The following CECR2 variants were observed in gnomAD, a reference collection of about 807,000 sequenced individuals.
CECR2 encodes the protein CECR2 histone acetyl-lysine reader, also known as chromatin remodeling regulator CECR2.
Under a neutral mutation model 154.5 loss-of-function variants are expected in CECR2, and 30 were observed. That is an observed-to-expected ratio of 0.19 (90% CI 0.15 to 0.26). CECR2 has a LOEUF of 0.26. Ranked by LOEUF, CECR2 falls within the 10% of genes least tolerant of loss-of-function variation. The pLI, the probability that CECR2 is intolerant of heterozygous loss-of-function variation, is 1.00. For missense variants in CECR2, 1,743 were observed against 1,829.3 expected (o/e 0.95, Z 0.86); for synonymous variants, 725 against 683.7 (o/e 1.06, Z -0.94).
chr22:17,363,294 C>T (rs1436301811), intron 1 of CECR2, among the ~76,000 whole-genome samples: 8 of 151,836 alleles, frequency 5.3e-5, no homozygotes, highest in Non-Finnish European at 8.8e-5. Context: ...CTGCAACCTC[C>T]GCCTCCTGGG....
At chr22:17,451,606 G>GCACCAGAGCC (rs1264244147) in intron 1 of CECR2, among the ~76,000 whole-genome samples, 2 of 152,248 alleles carry the variant, frequency 1.3e-5, no homozygotes, top group East Asian at 3.9e-4. Flanking sequence ...GTTCCTCCGA[G>GCACCAGAGCC]CACCAGAGCC....
In CECR2 at chr22:17,383,089, G is replaced by A. The variant is rs377589564; in HGVS notation, c.126+13180G>A. On this transcript the variant is annotated intron_variant, in intron 1 of 18. Coordinates refer to ENST00000262608, the MANE Select transcript of CECR2 (RefSeq NM_001290047.2). ...AAAAATACAAAAATTAGCCGGGCAC[G>A]GTGGCGGGCACCTGTAATCCCAGCT... Among the ~76,000 whole-genome samples the A allele has an allele frequency of 8.4e-4, 128 of 152,210 alleles. 1 individual carries two copies. Among genetic ancestry groups the A allele is most frequent in the African/African-American group, 2.6e-3 (110 of 41,536 alleles).
At chr22:17,428,449 T>C (rs1252352366) in intron 1 of CECR2, 3 of 151,896 alleles carry the variant, frequency 2.0e-5, no homozygotes, top group Non-Finnish European at 4.4e-5. Flanking sequence ...GGTAATTTAA[T>C]TTTTGGTCAT....
intron 1 of CECR2, among the ~76,000 whole-genome samples, chr22:17,407,393 C>T (rs1045231063): frequency 2.0e-5 from 3 of 152,102 alleles, no homozygotes; most frequent in Non-Finnish European, 4.4e-5. Context: ...GTCAGGAGTT[C>T]GAGACCACCC....
intron 1 of CECR2, among the ~76,000 whole-genome samples, chr22:17,470,367 G>A (rs1199489019): frequency 1.3e-5 from 2 of 149,536 alleles, no homozygotes; most frequent in African/African-American, 4.9e-5. Context: ...GAACTTAAGA[G>A]GTGGAGGTTG....
chr22:17,433,215 C>T (rs1473221855), intron 1 of CECR2, among the ~76,000 whole-genome samples: 1 of 152,114 alleles, frequency 6.6e-6, no homozygotes, highest in Non-Finnish European at 1.5e-5. Context: ...TTTAAAAAAT[C>T]TTTAGAAACA....
At chr22:17,512,783 G>A (rs2146929949) in intron 8 of CECR2, among the ~76,000 whole-genome samples, 1 of 152,134 alleles carries the variant, frequency 6.6e-6, no homozygotes, top group East Asian at 1.9e-4. Flanking sequence ...GTTTCTAATT[G>A]GAGATGTAGC....
chr22:17,455,056 C>CTGTATTTGTCCCGATTGG (rs2054832870), intron 1 of CECR2, among the ~76,000 whole-genome samples: 1 of 152,084 alleles, frequency 6.6e-6, no homozygotes, highest in Non-Finnish European at 1.5e-5. Flanking sequence ...TGGCTAGCAA[C>CTGTATTTGTCCCGATTGG]TTAGAACTTT....
rs557256100 is a variant in CECR2, at chr22:17,393,170, C to G, written c.126+23261C>G. Among the ~76,000 whole-genome samples, 3 of 152,278 alleles carry G rather than the reference C, an allele frequency of 2.0e-5. No individual in the cohort carries two copies. In the East Asian group the frequency reaches 5.8e-4, roughly 29 times the overall value. ...CCCTGTACCCTTGAGCTCCCTGCCTCCCCAGCTCTCCCTACCTCTTGTTTC... is the reference window on the plus strand; with the variant it reads ...CCCTGTACCCTTGAGCTCCCTGCCTGCCCAGCTCTCCCTACCTCTTGTTTC... On this transcript the variant is annotated intron_variant, in intron 1 of 18. Transcript: ENST00000262608.
intron 2 of CECR2, among the ~76,000 whole-genome samples, chr22:17,481,246 G>A (rs2055310686): frequency 6.7e-6 from 1 of 148,248 alleles, no homozygotes; most frequent in African/African-American, 2.5e-5. Context: ...GGGAGGCTGA[G>A]GCATGAGAAT....
intron 4 of CECR2, among the ~76,000 whole-genome samples, chr22:17,500,037 C>G (rs932245218): frequency 5.9e-5 from 9 of 152,008 alleles, no homozygotes; most frequent in African/African-American, 2.2e-4. Flanking sequence ...CGGTGAAACC[C>G]TGTCTCTACT....
chr22:17,425,012 C>T (rs2054309810), intron 1 of CECR2, among the ~76,000 whole-genome samples: 1 of 152,236 alleles, frequency 6.6e-6, no homozygotes, highest in South Asian at 2.1e-4. Flanking sequence ...AAAATTAAGG[C>T]TTCTTTCTTT....
intron 1 of CECR2, among the ~76,000 whole-genome samples, chr22:17,423,082 T>C (rs1212175675): frequency 6.6e-6 from 1 of 152,170 alleles, no homozygotes; most frequent in Non-Finnish European, 1.5e-5. Flanking sequence ...CCTTGCAGTT[T>C]TTCTTGGTAG....
chr22:17,410,608 C>G (rs1013897803), intron 1 of CECR2, among the ~76,000 whole-genome samples: 1 of 152,074 alleles, frequency 6.6e-6, no homozygotes. Context: ...CCACCACACC[C>G]AACTAATTTT....
intron 1 of CECR2, among the ~76,000 whole-genome samples, chr22:17,441,041 C>T (rs988055711): frequency 3.9e-5 from 6 of 152,020 alleles, no homozygotes; most frequent in Non-Finnish European, 7.4e-5. Flanking sequence ...TACCACAACC[C>T]GGGTTCAAGT....
Position 17,537,096 on chromosome 22 carries a change from A to C in CECR2, c.1109-7A>C, listed in dbSNP as rs1289626298. 1 of 1,613,642 alleles carries C rather than the reference A, an allele frequency of 6.2e-7. No individual in the cohort carries two copies. Among genetic ancestry groups the C allele is most frequent in the East Asian group, 2.2e-5 (1 of 44,874 alleles). ...CTTAGCTCACTCAGCCTTTGTGTTC[A>C]TTGTAGATCGAGCGAAGAGGAGAAA... On this transcript the variant is annotated splice_polypyrimidine_tract_variant and splice_region_variant and intron_variant, in intron 9 of 18. Coordinates refer to ENST00000262608, the MANE Select transcript of CECR2 (RefSeq NM_001290047.2).
At chr22:17,388,907 G>A (rs942912509) in intron 1 of CECR2, among the ~76,000 whole-genome samples, 2 of 152,000 alleles carry the variant, frequency 1.3e-5, no homozygotes, top group Non-Finnish European at 1.5e-5. Flanking sequence ...TCAGCCTCCG[G>A]GTTCAAGCAG....
At chr22:17,366,947 CAGAGTT>C (rs141507481), upstream of CECR2, among the ~76,000 whole-genome samples, 59 of 152,064 alleles carry the variant, frequency 3.9e-4, no homozygotes, top group East Asian at 7.7e-3. Context: ...TAGAGACAAA[CAGAGTT>C]AGAGAATGGT....
intron 1 of CECR2, among the ~76,000 whole-genome samples, chr22:17,405,725 A>G (rs1315912767): frequency 6.6e-6 from 1 of 151,678 alleles, no homozygotes; most frequent in African/African-American, 2.4e-5. Context: ...TTGTATCTGT[A>G]ACCTTCCTAA....
Sources: gnomAD v4.1 joint callset for allele counts (sites outside exome capture counted in the v4.1 genomes callset) on GRCh38, gnomAD v4.1.1 for gene constraint, MANE v1.5 for transcripts, NCBI Gene and HGNC (gene_info 2026-07-23, HGNC 2026-07-21) for gene names.